The following ARIH2 variants were observed in gnomAD, a reference collection of about 807,000 sequenced individuals.
The protein encoded by ARIH2 is E3 ubiquitin-protein ligase ARIH2.
In ARIH2, 12 loss-of-function variants were observed where a neutral mutation model predicts 79.8. The observed-to-expected ratio is 0.15, with a 90% CI of 0.10 to 0.24. The LOEUF is 0.24. Among genes scored for constraint, ARIH2 ranks in the 10% least tolerant of loss-of-function variants. The pLI, the probability that ARIH2 is intolerant of heterozygous loss-of-function variation, is 1.00. For synonymous variants in ARIH2, 224 were observed against 213.9 expected, an observed-to-expected ratio of 1.05 and a Z score of -0.41; for missense variants, 301 against 618.3, an observed-to-expected ratio of 0.49 and a Z score of 5.44.
rs919762228 is a variant in ARIH2, at chr3:48,985,783, C to A, written c.*2513C>A. Reference sequence around the variant, plus strand: ...GCCAGTTTTCCGCTCTCCTCTCCCTCAGTACAGGCTGAATCATTCCCCACC... The same window carrying A: ...GCCAGTTTTCCGCTCTCCTCTCCCTAAGTACAGGCTGAATCATTCCCCACC... On this transcript the variant is annotated 3_prime_UTR_variant, in exon 16 of 16. Transcript: ENST00000356401. The A allele has an allele frequency of 1.3e-5, 2 of 152,202 alleles. No homozygotes were observed. The highest frequency in any genetic ancestry group is 1.3e-4 in the Admixed American group (2 of 15,280). 9.4% of individuals were successfully genotyped at this position (152,202 alleles called of 1,614,324 possible).
intron 3 of ARIH2, chr3:48,935,062 T>C: frequency 3.4e-6 from 2 of 595,596 alleles, no homozygotes; most frequent in Non-Finnish European, 4.2e-6. Context: ...CATTCATGTT[T>C]TCATTAACCT....
At chr3:48,943,593 C>A (rs755833623) in intron 3 of ARIH2, 3 of 152,032 alleles carry the variant, frequency 2.0e-5, no homozygotes, top group Non-Finnish European at 4.4e-5. Flanking sequence ...TTTCTGCCCT[C>A]AATGGGCTTT....
intron 3 of ARIH2, among the ~76,000 whole-genome samples, chr3:48,958,063 G>C (rs1430666357): frequency 3.3e-5 from 5 of 152,104 alleles, no homozygotes; most frequent in Non-Finnish European, 7.4e-5. Flanking sequence ...ACGTAGGTTG[G>C]AAACAGAGCA....
intron 3 of ARIH2, among the ~76,000 whole-genome samples, chr3:48,957,546 A>G (rs1219104920): frequency 6.6e-6 from 1 of 152,152 alleles, no homozygotes; most frequent in Non-Finnish European, 1.5e-5. Flanking sequence ...ACTAGGTGGC[A>G]TAGTATCTTT....
intron 3 of ARIH2, among the ~76,000 whole-genome samples, chr3:48,931,924 G>T (rs918985735): frequency 6.6e-6 from 1 of 152,180 alleles, no homozygotes; most frequent in Non-Finnish European, 1.5e-5. Context: ...CAGGAGAATG[G>T]CGTGAACCCA....
Position 48,983,989 on chromosome 3 carries a change from T to C in ARIH2, c.*719T>C, listed in dbSNP as rs1434141274. The C allele has an allele frequency of 6.6e-6, 1 of 152,360 alleles. No homozygotes were observed. Among genetic ancestry groups the C allele is most frequent in the Non-Finnish European group, 1.5e-5 (1 of 68,132 alleles). The allele number at this position is 152,360 out of a possible 1,614,324, so 9.4% of individuals were successfully genotyped here. A position where few individuals can be genotyped will look rare whatever the true frequency, so the allele number is the denominator to read the frequency against. On this transcript the variant is annotated 3_prime_UTR_variant, in exon 16 of 16. Coordinates refer to ENST00000356401, the MANE Select transcript of ARIH2 (RefSeq NM_006321.4). ...GCATGTCTGTGGCTCACCTTTATTCTTGAAACTGAGGTTTACCTGGATCTG... is the reference window on the plus strand; with the variant it reads ...GCATGTCTGTGGCTCACCTTTATTCCTGAAACTGAGGTTTACCTGGATCTG...
intron 8 of ARIH2, chr3:48,970,986 C>A: frequency 3.2e-6 from 1 of 317,376 alleles, no homozygotes. Context: ...TGGGATGTAT[C>A]TGCCTGCATA....
intron 8 of ARIH2, among the ~76,000 whole-genome samples, chr3:48,972,932 TTCAAAC>T (rs1441191861): frequency 6.6e-6 from 1 of 152,092 alleles, no homozygotes; most frequent in Admixed American, 6.6e-5. Flanking sequence ...CCAGGCTGGT[TTCAAAC>T]TCCTGGGCTC....
At chr3:48,923,748 C>T (rs2085170942) in intron 2 of ARIH2, among the ~76,000 whole-genome samples, 6 of 151,928 alleles carry the variant, frequency 3.9e-5, no homozygotes, top group Non-Finnish European at 7.4e-5. Flanking sequence ...CTTGAACCCC[C>T]GACCTTAGGT....
chr3:48,919,024 C>T (rs1025794372), intron 1 of ARIH2, 26 bp downstream of exon 1: 1 of 1,387,488 alleles, frequency 7.2e-7, no homozygotes, highest in African/African-American at 1.5e-5. Context: ...ACGTCACGGC[C>T]TTGTTTACCT....
At chr3:48,951,523 T>G (rs1274037641) in intron 3 of ARIH2, among the ~76,000 whole-genome samples, 1 of 152,160 alleles carries the variant, frequency 6.6e-6, no homozygotes, top group Non-Finnish European at 1.5e-5. Flanking sequence ...GTAAAATTAG[T>G]GTTGATAGAA....
intron 6 of ARIH2, among the ~76,000 whole-genome samples, chr3:48,967,702 C>T (rs1166291821): frequency 6.6e-6 from 1 of 152,146 alleles, no homozygotes; most frequent in Non-Finnish European, 1.5e-5. Context: ...ATTAGCATCG[C>T]ATTAATTGAT....
intron 3 of ARIH2, among the ~76,000 whole-genome samples, chr3:48,954,303 G>A (rs2107445711): frequency 6.6e-6 from 1 of 152,148 alleles, no homozygotes; most frequent in Middle Eastern, 3.4e-3. Context: ...AAGGCATCGT[G>A]GTGGGCACCT....
chr3:48,933,580 C>G (rs1034856670), intron 3 of ARIH2, among the ~76,000 whole-genome samples: 1 of 141,042 alleles, frequency 7.1e-6, no homozygotes, highest in Non-Finnish European at 1.5e-5. Flanking sequence ...GACGGACTCT[C>G]GCTGTGTCAC....
intron 11 of ARIH2, among the ~76,000 whole-genome samples, chr3:48,977,107 C>T (rs1429365171): frequency 6.6e-6 from 1 of 151,790 alleles, no homozygotes; most frequent in Non-Finnish European, 1.5e-5. Context: ...GAGGCTGAGG[C>T]AGGAGAATCG....
At chr3:48,960,485 C>T (rs1381378529) in intron 3 of ARIH2, among the ~76,000 whole-genome samples, 5 of 151,738 alleles carry the variant, frequency 3.3e-5, no homozygotes, top group South Asian at 2.1e-4. Context: ...AAAACCTGGC[C>T]GGGCACAATG....
At chr3:48,935,745 G>T (rs1466298086) in intron 3 of ARIH2, among the ~76,000 whole-genome samples, 1 of 152,156 alleles carries the variant, frequency 6.6e-6, no homozygotes, top group African/African-American at 2.4e-5. Context: ...ATTTTGCTTG[G>T]TCATGGTAGA....
At chr3:48,956,667 G>T (rs1351860289) in intron 3 of ARIH2, among the ~76,000 whole-genome samples, 1 of 37,508 alleles carries the variant, frequency 2.7e-5, no homozygotes, top group Non-Finnish European at 4.8e-5. Flanking sequence ...GCATACAGCT[G>T]ACGTGTGTGT....
At chr3:48,944,857 C>T in intron 3 of ARIH2, 1 of 314,288 alleles carries the variant, frequency 3.2e-6, no homozygotes, top group Non-Finnish European at 6.3e-6. Flanking sequence ...GTCCCCCGGA[C>T]CCAAATCCAT....
Sources: allele counts gnomAD v4.1 joint callset (sites outside exome capture counted in the v4.1 genomes callset), GRCh38; gene constraint gnomAD v4.1.1; transcripts MANE v1.5; gene names NCBI Gene and HGNC (gene_info 2026-07-23, HGNC 2026-07-21).